AP3M2: variants seen among roughly 807,000 people sequenced by gnomAD.
The protein encoded by AP3M2 is adaptor related protein complex 3 subunit mu 2.
AP3M2 carries 28 observed loss-of-function variants against 41.6 expected under a neutral mutation model. That is an observed-to-expected ratio of 0.67 (90% CI 0.50 to 0.92). The LOEUF (loss-of-function observed/expected upper bound fraction) is 0.92, where lower values mean the gene tolerates loss of function less well. AP3M2 is among the 40% of genes least tolerant of loss of function. AP3M2 has a pLI of 0.00. For synonymous variants in AP3M2, 193 were observed against 186.4 expected, an observed-to-expected ratio of 1.04 and a Z score of -0.29; for missense variants, 427 against 521.4, an observed-to-expected ratio of 0.82 and a Z score of 1.76.
At chr8:42,166,955 A>G (rs1804654912) in intron 6 of AP3M2, 2 of 567,354 alleles carry the variant, frequency 3.5e-6, no homozygotes, top group Non-Finnish European at 3.1e-6. Context: ...GAGTCATTAG[A>G]AAAGTTAATT....
intron 4 of AP3M2, among the ~76,000 whole-genome samples, chr8:42,164,806 C>T (rs1033776351): frequency 6.6e-6 from 1 of 152,206 alleles, no homozygotes; most frequent in African/African-American, 2.4e-5. Context: ...CTAATAACTA[C>T]TTCATTAATC....
chr8:42,162,303 G>T lies in AP3M2; in HGVS notation c.468G>T (p.Gln156His), dbSNP rs771379273. ...TITGSTNVGD[Q>H]LPTGQLSVVP... ...CAGGAAGCACGAATGTGGGTGACCA[G>T]CTTCCCACTGGGCAGCTGTCAGTGG... Residue 156 changes from glutamine (Q) to histidine (H), a missense_variant, in exon 4 of 9, where the codon CAG becomes CAT. Around this residue, in one of 3 missense-constraint regions of AP3M2, gnomAD observed 86 missense variants for 142.6 expected, o/e 0.60. Coordinates refer to ENST00000396926, the MANE Select transcript of AP3M2 (RefSeq NM_006803.4). 39 of 1,612,882 alleles carry T rather than the reference G, an allele frequency of 2.4e-5. No individual in the cohort carries two copies. Among genetic ancestry groups the T allele is most frequent in the Non-Finnish European group, 3.1e-5 (36 of 1,179,522 alleles).
chr8:42,166,950 A>G, intron 6 of AP3M2: 1 of 562,140 alleles, frequency 1.8e-6, no homozygotes, highest in Non-Finnish European at 3.2e-6. Context: ...ATTCAGAGTC[A>G]TTAGAAAAGT....
chr8:42,169,700 A>C lies in AP3M2; in HGVS notation c.*639A>C, dbSNP rs1351693358. ...ATGGACTGGAGACTTTTTAAATTTG[A>C]GTCCACTATTGACATGGAAACCCCA... On this transcript the variant is annotated 3_prime_UTR_variant, in exon 9 of 9. Transcript: ENST00000396926. 2 of 152,192 alleles carry C rather than the reference A, an allele frequency of 1.3e-5. No homozygotes were observed. Among genetic ancestry groups the C allele is most frequent in the Non-Finnish European group, 2.9e-5 (2 of 68,034 alleles). The allele number at this position is 152,192 out of a possible 1,614,324, so 9.4% of individuals were successfully genotyped here.
chr8:42,161,652 A>G (rs1159348009), intron 3 of AP3M2, among the ~76,000 whole-genome samples: 1 of 152,192 alleles, frequency 6.6e-6, no homozygotes, highest in Non-Finnish European at 1.5e-5. Flanking sequence ...GATCCAGGTA[A>G]TGGAAGAAGG....
intron 6 of AP3M2, chr8:42,165,866 C>T (rs986488254): frequency 4.5e-5 from 11 of 242,082 alleles, no homozygotes; most frequent in Admixed American, 5.3e-5. Context: ...TAAACAAGAA[C>T]ATTATTTTCT....
At position 42,167,173 on chromosome 8, in the gene AP3M2, A is replaced by C. The variant is rs772636195; in HGVS notation, c.813A>C (p.Ala271=). The change falls in exon 7 of 9, where the codon GCA becomes GCC. Residue 271 remains alanine (A), a synonymous_variant. Coordinates refer to ENST00000396926, the MANE Select transcript of AP3M2 (RefSeq NM_006803.4). ...TGTCTCTCATTTCCAGTCTGGTTGC[A>C]ATCCCAGTGTATGTCAAACATAACA... ...SYHVSAQNLV[A]IPVYVKHNIS... 2.2e-5 allele frequency: 36 copies of C among 1,614,144 alleles called. No homozygotes were observed. Among genetic ancestry groups the C allele is most frequent in the Non-Finnish European group, 3.0e-5 (35 of 1,179,992 alleles).
chr8:42,168,381 G>T, intron 8 of AP3M2: 1 of 337,598 alleles, frequency 3.0e-6, no homozygotes, highest in Non-Finnish European at 5.9e-6. Flanking sequence ...TAGAAACTCT[G>T]TGATGTGGAA....
chr8:42,164,957 G>T, intron 4 of AP3M2, 114 bp from the exon 5 acceptor site: 1 of 816,256 alleles, frequency 1.2e-6, no homozygotes. Context: ...GAAGGGGAGG[G>T]AGAGAGAGGA....
chr8:42,169,282 C>A lies in AP3M2; in HGVS notation c.*221C>A. ...ACACAGCAACACCAGTTCTCAAGGA[C>A]AAGGTGTGTGATGGGGGTAGGAAGC... is the stretch of plus-strand genomic sequence containing the variant. On this transcript the variant is annotated 3_prime_UTR_variant, in exon 9 of 9. Coordinates refer to ENST00000396926, the MANE Select transcript of AP3M2 (RefSeq NM_006803.4). The A allele has an allele frequency of 9.6e-6, 4 of 415,448 alleles. No individual in the cohort carries two copies. Among genetic ancestry groups the A allele is most frequent in the South Asian group, 5.3e-5 (1 of 19,034 alleles). 25.7% of individuals were successfully genotyped at this position (415,448 alleles called of 1,614,324 possible).
intron 1 of AP3M2, 38 bp from the exon 2 acceptor site, chr8:42,154,578 G>C (rs1804303209): frequency 2.0e-6 from 3 of 1,480,918 alleles, no homozygotes; most frequent in Non-Finnish European, 2.7e-6. Flanking sequence ...AGGGCCTTTT[G>C]GTTGAATGGA....
At chr8:42,156,394 C>G (rs1332186880) in intron 2 of AP3M2, among the ~76,000 whole-genome samples, 1 of 152,172 alleles carries the variant, frequency 6.6e-6, no homozygotes, top group Non-Finnish European at 1.5e-5. Context: ...TGTGCATCCT[C>G]TCCGGCAGCA....
chr8:42,168,509 T>A (rs988174253), intron 8 of AP3M2, among the ~76,000 whole-genome samples: 5 of 152,240 alleles, frequency 3.3e-5, no homozygotes. Flanking sequence ...AACAATAAAC[T>A]ATAAAGCTCT....
At chr8:42,165,600 T>C in intron 6 of AP3M2, 40 bp downstream of exon 6, 1 of 1,608,464 alleles carries the variant, frequency 6.2e-7, no homozygotes, top group South Asian at 1.1e-5. Context: ...TCCGTGTATG[T>C]ACATGTATGT....
chr8:42,162,033 A>G (rs1804518683), intron 3 of AP3M2: 3 of 318,092 alleles, frequency 9.4e-6, no homozygotes, highest in East Asian at 5.1e-5. Context: ...CCAAAATATG[A>G]TATCTGTTTC....
rs753009808 is a variant in AP3M2 at position 42,162,366 on chromosome 8, T to TG, written c.532dup (p.Glu178GlyfsTer5). 6.2e-7 allele frequency: 1 copy of TG among 1,613,576 alleles called. No individual in the cohort carries two copies. Among genetic ancestry groups the TG allele is most frequent in the Admixed American group, 1.7e-5 (1 of 59,984 alleles). On this transcript the variant is annotated frameshift_variant, in exon 4 of 9. Transcript: ENST00000396926. LOFTEE classifies it high-confidence loss of function. ...GGACTGGGGTGAAATATACCAACAA[T>TG]GAGGCCTATTTTGATGTGATTGAAG...
In AP3M2 at chr8:42,168,946, C is replaced by A; in HGVS notation, c.1157-15C>A. ...TAATACTCATGTCTATTTTCCCTCT[C>A]TCCCTCCTTTCTAGGACTCAAGGTG... On this transcript the variant is annotated splice_polypyrimidine_tract_variant and intron_variant, in intron 8 of 8. Coordinates refer to ENST00000396926, the MANE Select transcript of AP3M2 (RefSeq NM_006803.4). 1.3e-6 allele frequency: 2 copies of A among 1,577,448 alleles called. No individual in the cohort carries two copies. The highest frequency in any genetic ancestry group is 1.7e-6 in the Non-Finnish European group (2 of 1,157,326).
At chr8:42,165,249 A>ACACAG in intron 5 of AP3M2, 93 bp downstream of exon 5, 1 of 1,466,524 alleles carries the variant, frequency 6.8e-7, no homozygotes, top group Non-Finnish European at 9.3e-7. Context: ...AACAAGAAGA[A>ACACAG]ATAATTAGGA....
At chr8:42,162,943 CAAAAAAAAA>C (rs67923954) in intron 4 of AP3M2, among the ~76,000 whole-genome samples, 3 of 54,216 alleles carry the variant, frequency 5.5e-5, no homozygotes, top group East Asian at 4.2e-4. Flanking sequence ...GACCCTGTCT[CAAAAAAAAA>C]AAAAAAAAAA....
Sources: gnomAD v4.1 joint callset for allele counts (sites outside exome capture counted in the v4.1 genomes callset) on GRCh38, gnomAD v4.1.1 for gene constraint, gnomAD v4.1.1 regional missense constraint, MANE v1.5 for transcripts, NCBI Gene and HGNC (gene_info 2026-07-23, HGNC 2026-07-21) for gene names.